STK32B: variants seen among roughly 807,000 people sequenced by gnomAD.
STK32B encodes serine/threonine-protein kinase 32B.
In STK32B, 43 loss-of-function variants were observed where a neutral mutation model predicts 52.6. That is an observed-to-expected ratio of 0.82 (90% CI 0.64 to 1.05). The LOEUF (loss-of-function observed/expected upper bound fraction) is 1.05. STK32B is among the 50% of genes least tolerant of loss of function. The pLI is 0.00. For missense variants in STK32B, 621 were observed against 534.6 expected, an observed-to-expected ratio of 1.16 and a Z score of -1.59; for synonymous variants, 238 against 204.3, an observed-to-expected ratio of 1.17 and a Z score of -1.41.
intron 3 of STK32B, among the ~76,000 whole-genome samples, chr4:5,234,086 GT>G (rs1474518254): frequency 6.6e-6 from 1 of 152,004 alleles, no homozygotes; most frequent in Non-Finnish European, 1.5e-5. Flanking sequence ...GGTTTGTTCT[GT>G]TCTGGACTAT....
chr4:5,172,191 G>T (rs1221377046), intron 3 of STK32B, among the ~76,000 whole-genome samples: 1 of 152,146 alleles, frequency 6.6e-6, no homozygotes, highest in Non-Finnish European at 1.5e-5. Context: ...TTGCTTATTA[G>T]GTTAAGGAGA....
chr4:5,071,022 A>G (rs1296943986), intron 1 of STK32B, among the ~76,000 whole-genome samples: 2 of 152,318 alleles, frequency 1.3e-5, no homozygotes, highest in African/African-American at 4.8e-5. Flanking sequence ...ACAAAAGAGC[A>G]ATAGCAGATC....
At chr4:5,138,759 A>G (rs1343187739) in intron 1 of STK32B, among the ~76,000 whole-genome samples, 2 of 152,198 alleles carry the variant, frequency 1.3e-5, no homozygotes, top group African/African-American at 4.8e-5. Context: ...AGGGAGCCAG[A>G]CGTAGTCTGG....
intron 3 of STK32B, among the ~76,000 whole-genome samples, chr4:5,324,705 C>T (rs1407157994): frequency 6.6e-6 from 1 of 152,188 alleles, no homozygotes; most frequent in Non-Finnish European, 1.5e-5. Context: ...AGCAAAACTG[C>T]TCTGGGTTTG....
intron 1 of STK32B, among the ~76,000 whole-genome samples, chr4:5,064,397 T>TTA (rs1742332302): frequency 8.4e-6 from 1 of 118,402 alleles, no homozygotes; most frequent in Admixed American, 9.9e-5. Context: ...AAATATATAC[T>TTA]TATATACATA....
chr4:5,100,482 C>G (rs1713672862), intron 1 of STK32B, among the ~76,000 whole-genome samples: 1 of 132,412 alleles, frequency 7.6e-6, no homozygotes, highest in Admixed American at 8.4e-5. Context: ...TCTTTCTTTC[C>G]TTCCTTGCCT....
rs146765064 is a variant in STK32B, at chr4:5,053,758, G to A, written c.52+1843G>A. Among the ~76,000 whole-genome samples, 1,430 of 152,076 alleles carry A rather than the reference G, an allele frequency of 9.4e-3. 26 individuals are homozygous for A. Among genetic ancestry groups the A allele is most frequent in the African/African-American group, 0.033 (1,379 of 41,474 alleles). ...AGTACTTTGGGAGGCCGAGGTGGAC[G>A]GATCACCTGAGGTCAGGAGAGGCCT... On this transcript the variant is annotated intron_variant, in intron 1 of 11. Coordinates refer to ENST00000282908, the MANE Select transcript of STK32B (RefSeq NM_018401.3).
At chr4:5,434,922 T>G (rs1713922241) in intron 6 of STK32B, among the ~76,000 whole-genome samples, 1 of 152,200 alleles carries the variant, frequency 6.6e-6, no homozygotes, top group African/African-American at 2.4e-5. Flanking sequence ...ACAGCTGTAT[T>G]GAGCCCTGGC....
chr4:5,195,513 TG>T (rs1721574520), intron 3 of STK32B, among the ~76,000 whole-genome samples: 2 of 152,084 alleles, frequency 1.3e-5, no homozygotes, highest in South Asian at 4.1e-4. Context: ...GCTAACATGG[TG>T]GAATCCTTTC....
chr4:5,433,517 G>A (rs1713771345), intron 6 of STK32B, among the ~76,000 whole-genome samples: 1 of 152,182 alleles, frequency 6.6e-6, no homozygotes, highest in African/African-American at 2.4e-5. Flanking sequence ...TTGGGTTCTA[G>A]TCCCAGCTGG....
intron 3 of STK32B, among the ~76,000 whole-genome samples, chr4:5,212,661 A>G (rs116762120): frequency 1.7e-3 from 261 of 152,294 alleles, no homozygotes; most frequent in African/African-American, 5.9e-3. Context: ...TTTCTCCCAC[A>G]TTTGTCATCG....
chr4:5,195,583 C>T (rs1560214990), intron 3 of STK32B, among the ~76,000 whole-genome samples: 2 of 152,150 alleles, frequency 1.3e-5, no homozygotes, highest in Non-Finnish European at 2.9e-5. Flanking sequence ...ATTCCAGCTA[C>T]TTGGGAGACT....
chr4:5,295,868 A>G (rs1729165366), intron 3 of STK32B, among the ~76,000 whole-genome samples: 1 of 151,780 alleles, frequency 6.6e-6, no homozygotes, highest in Admixed American at 6.6e-5. Flanking sequence ...TATGGTGTCG[A>G]TTTTAGATCT....
At chr4:5,373,671 C>T (rs1418032295) in intron 4 of STK32B, among the ~76,000 whole-genome samples, 2 of 152,216 alleles carry the variant, frequency 1.3e-5, no homozygotes, top group African/African-American at 4.8e-5. Flanking sequence ...TATCTCCCAT[C>T]TGCAGGGCCC....
chr4:5,127,460 A>G (rs1234439824), intron 1 of STK32B, among the ~76,000 whole-genome samples: 1 of 152,174 alleles, frequency 6.6e-6, no homozygotes, highest in Non-Finnish European at 1.5e-5. Flanking sequence ...AGTTACATCC[A>G]GTCATCATTT....
intron 3 of STK32B, among the ~76,000 whole-genome samples, chr4:5,244,337 C>A (rs955058116): frequency 6.6e-6 from 1 of 152,154 alleles, no homozygotes; most frequent in Non-Finnish European, 1.5e-5. Context: ...TTATCCATTT[C>A]TTCTAGATTT....
Position 5,469,365 on chromosome 4 carries a change from T to G in STK32B, c.1106+1295T>G, listed in dbSNP as rs1236358283. Among the ~76,000 whole-genome samples, 1 of 152,194 alleles carries G rather than the reference T, an allele frequency of 6.6e-6. No individual in the cohort carries two copies. The highest frequency in any genetic ancestry group is 1.5e-5 in the Non-Finnish European group (1 of 68,024). On this transcript the variant is annotated intron_variant, in intron 11 of 11. Coordinates refer to ENST00000282908, the MANE Select transcript of STK32B (RefSeq NM_018401.3). The surrounding 1 kb of genome is among the most constrained non-coding windows in gnomAD (Gnocchi z 4.7). ...GGCAGTGCATGTCACAGCAGACACC[T>G]GGCTCAGCCTGGGTGGTTGGGGAAG...
chr4:5,029,925 C>G, the STK32B span, among the ~76,000 whole-genome samples: 1 of 152,196 alleles, frequency 6.6e-6, no homozygotes, highest in Admixed American at 6.5e-5. Flanking sequence ...ATGCTATTCT[C>G]ATGATAGTGA....
rs1292209446 is a variant in STK32B, at chr4:5,398,519, GC to G, written c.472+278del. The stretch of plus-strand genomic sequence containing the variant: ...GAGGACAGGGCCGCCGTGAGGATGA[GC>G]CCGGGGTTCCAACCCCAACTCCCTC... On this transcript the variant is annotated intron_variant, in intron 5 of 11. Transcript: ENST00000282908. This position sits in a 1 kb window ranked among gnomAD's most constrained non-coding sequence, Gnocchi z 4.9. Among the ~76,000 whole-genome samples the G allele has an allele frequency of 6.6e-6, 1 of 152,172 alleles. No individual in the cohort carries two copies. The highest frequency in any genetic ancestry group is 6.5e-5 in the Admixed American group (1 of 15,286).
Sources: gnomAD v4.1 joint callset for allele counts (sites outside exome capture counted in the v4.1 genomes callset) on GRCh38, gnomAD v4.1.1 for gene constraint, Gnocchi (gnomAD v3.1) non-coding constraint, MANE v1.5 for transcripts, NCBI Gene and HGNC (gene_info 2026-07-23, HGNC 2026-07-21) for gene names.